Variants in AAGAB observed in about 807,000 individuals in gnomAD.
The protein encoded by AAGAB is alpha and gamma adaptin binding protein.
AAGAB carries 38 observed loss-of-function variants against 44.1 expected under a neutral mutation model. That is an observed-to-expected ratio of 0.86 (90% CI 0.67 to 1.13). The LOEUF is 1.13. Ranked by LOEUF, AAGAB falls within the 50% of genes most tolerant of loss-of-function variation. The pLI is 0.00. For synonymous variants in AAGAB, 131 were observed against 131.8 expected (o/e 0.99, Z 0.04); for missense variants, 450 against 373.8 (o/e 1.20, Z -1.68).
At chr15:67,204,642 A>C (rs1180086366) in intron 7 of AAGAB, among the ~76,000 whole-genome samples, 2 of 152,198 alleles carry the variant, frequency 1.3e-5, no homozygotes, top group African/African-American at 4.8e-5. Context: ...TGAAAAAAAA[A>C]CCTGTATCTA....
intron 5 of AAGAB, among the ~76,000 whole-genome samples, chr15:67,224,301 C>A (rs2140363661): frequency 6.6e-6 from 1 of 152,258 alleles, no homozygotes; most frequent in South Asian, 2.1e-4. Context: ...GATCTGAGGC[C>A]AGCAGAAGAA....
chr15:67,237,909 T>C (rs1964508057), intron 1 of AAGAB, among the ~76,000 whole-genome samples: 1 of 152,188 alleles, frequency 6.6e-6, no homozygotes, highest in African/African-American at 2.4e-5. Flanking sequence ...AGAGCTAACA[T>C]TATATATTTG....
intron 5 of AAGAB, among the ~76,000 whole-genome samples, chr15:67,229,166 G>C (rs1162679887): frequency 1.3e-5 from 2 of 152,186 alleles, no homozygotes; most frequent in Non-Finnish European, 2.9e-5. Context: ...AGGCGGGGTG[G>C]CTCACGCCTG....
chr15:67,202,121 T>TA lies in AAGAB; in HGVS notation c.*699dup, dbSNP rs1330319262. 1 of 152,400 alleles carries TA rather than the reference T, an allele frequency of 6.6e-6. No homozygotes were observed. Among genetic ancestry groups the TA allele is most frequent in the Non-Finnish European group, 1.5e-5 (1 of 68,088 alleles). 9.4% of individuals were successfully genotyped at this position (152,400 alleles called of 1,614,324 possible). Reference sequence around the variant, plus strand: ...GGACTCCTTAAGGTTCTCTCTAACATACAACATATCCCCCACAACTCAGTA... The same window carrying TA: ...GGACTCCTTAAGGTTCTCTCTAACATAACAACATATCCCCCACAACTCAGTA... On this transcript the variant is annotated 3_prime_UTR_variant, in exon 10 of 10. Coordinates refer to ENST00000261880, the MANE Select transcript of AAGAB (RefSeq NM_024666.5).
At chr15:67,205,362 T>G (rs1040427100) in intron 7 of AAGAB, among the ~76,000 whole-genome samples, 1 of 152,224 alleles carries the variant, frequency 6.6e-6, no homozygotes, top group African/African-American at 2.4e-5. Context: ...ATGTAGGAAG[T>G]TGGTATATAG....
At chr15:67,226,046 T>C (rs1291928356) in intron 5 of AAGAB, among the ~76,000 whole-genome samples, 1 of 152,234 alleles carries the variant, frequency 6.6e-6, no homozygotes, top group African/African-American at 2.4e-5. Context: ...ATTATCTTTC[T>C]GACCCTAGCC....
At position 67,201,600 on chromosome 15, in the gene AAGAB, T is replaced by G. The variant is rs1471288556; in HGVS notation, c.*1221A>C. 1 of 152,382 alleles carries G rather than the reference T, an allele frequency of 6.6e-6. No individual in the cohort carries two copies. Among genetic ancestry groups the G allele is most frequent in the East Asian group, 1.9e-4 (1 of 5,334 alleles). 9.4% of individuals were successfully genotyped at this position (152,382 alleles called of 1,614,324 possible). A position where few individuals can be genotyped will look rare whatever the true frequency, so the allele number is the denominator to read the frequency against. On this transcript the variant is annotated 3_prime_UTR_variant, in exon 10 of 10. Transcript: ENST00000261880. ...TGGTGTGCGGGCACCTTCCATCCAC[T>G]GTACTATGTGCCAGTTCAGAGCCAC...
At chr15:67,229,388 G>A (rs565485103) in intron 5 of AAGAB, among the ~76,000 whole-genome samples, 2 of 149,764 alleles carry the variant, frequency 1.3e-5, no homozygotes, top group South Asian at 2.1e-4. Context: ...AGCCAAGATC[G>A]TGCCACTGCA....
At chr15:67,227,240 C>T (rs189229531) in intron 5 of AAGAB, among the ~76,000 whole-genome samples, 52 of 152,000 alleles carry the variant, frequency 3.4e-4, no homozygotes, top group Middle Eastern at 3.4e-3. Flanking sequence ...CCCAAAGAAT[C>T]AATTGTGATT....
chr15:67,213,647 T>C (rs1963875568), intron 5 of AAGAB, among the ~76,000 whole-genome samples: 1 of 152,214 alleles, frequency 6.6e-6, no homozygotes, highest in Non-Finnish European at 1.5e-5. Context: ...AAGGCATGGA[T>C]ATGAATCCTA....
rs1251948781 is a variant in AAGAB, at chr15:67,200,694, G to A, written c.*2127C>T. 6.6e-6 allele frequency among the ~76,000 whole-genome samples: 1 copy of A among 152,196 alleles called. No homozygotes were observed. Among genetic ancestry groups the A allele is most frequent in the Non-Finnish European group, 1.5e-5 (1 of 68,032 alleles). On this transcript the variant is annotated 3_prime_UTR_variant, in exon 10 of 10. Transcript: ENST00000261880. ...ATTTTAAATTCCAGCTGGCAATTCT[G>A]TAACAACTTGTGGTAGCATGAACAT... is the stretch of plus-strand genomic sequence containing the variant.
intron 5 of AAGAB, among the ~76,000 whole-genome samples, chr15:67,221,918 C>T (rs1964073472): frequency 6.6e-6 from 1 of 152,076 alleles, no homozygotes; most frequent in East Asian, 1.9e-4. Context: ...CAGGGTCATA[C>T]CCAGACCTTA....
chr15:67,236,922 C>T (rs1280981614), intron 1 of AAGAB, 102 bp from the exon 2 acceptor site: 3 of 896,500 alleles, frequency 3.3e-6, no homozygotes, highest in Non-Finnish European at 3.3e-6. Flanking sequence ...TTTGCTGTTT[C>T]CTTTTATGTG....
chr15:67,250,674 C>T (rs1036656713), intron 1 of AAGAB, among the ~76,000 whole-genome samples: 2 of 152,098 alleles, frequency 1.3e-5, no homozygotes, highest in African/African-American at 4.8e-5. Flanking sequence ...TAGATATTTG[C>T]TCTCATATCG....
At chr15:67,230,831 G>C (rs1464279178) in intron 5 of AAGAB, among the ~76,000 whole-genome samples, 1 of 152,006 alleles carries the variant, frequency 6.6e-6, no homozygotes, top group Non-Finnish European at 1.5e-5. Context: ...CAAAAGCTCT[G>C]GTCTCCCTTA....
At chr15:67,222,244 A>ACGCG (rs1567021003) in intron 5 of AAGAB, among the ~76,000 whole-genome samples, 6 of 25,790 alleles carry the variant, frequency 2.3e-4, no homozygotes, top group Non-Finnish European at 4.2e-4. Flanking sequence ...GCGCGCGCGC[A>ACGCG]CACACACACA....
At chr15:67,219,434 T>C (rs972799647) in intron 5 of AAGAB, among the ~76,000 whole-genome samples, 1 of 152,036 alleles carries the variant, frequency 6.6e-6, no homozygotes, top group Non-Finnish European at 1.5e-5. Flanking sequence ...AACGGTGGAT[T>C]AGACAAAGAA....
Position 67,201,030 on chromosome 15 carries a change from TATAA to T in AAGAB, c.*1787_*1790del, listed in dbSNP as rs2140338588. On this transcript the variant is annotated 3_prime_UTR_variant, in exon 10 of 10. Coordinates refer to ENST00000261880, the MANE Select transcript of AAGAB (RefSeq NM_024666.5). ...CATAATAATAGACATTAGCACAGTT[TATAA>T]ATAAATCACATTTTAATCATCTGGC... 6.6e-6 allele frequency: 1 copy of T among 152,504 alleles called. No homozygotes were observed. Among genetic ancestry groups the T allele is most frequent in the African/African-American group, 2.4e-5 (1 of 41,588 alleles). 9.4% of individuals were successfully genotyped at this position (152,504 alleles called of 1,614,324 possible).
intron 5 of AAGAB, among the ~76,000 whole-genome samples, chr15:67,215,717 A>T (rs1197298503): frequency 6.6e-6 from 1 of 152,258 alleles, no homozygotes; most frequent in African/African-American, 2.4e-5. Context: ...TGAATAAAAA[A>T]TTCTTTTAAG....
Sources: gnomAD v4.1 joint callset for allele counts (sites outside exome capture counted in the v4.1 genomes callset) on GRCh38, gnomAD v4.1.1 for gene constraint, MANE v1.5 for transcripts, NCBI Gene and HGNC (gene_info 2026-07-23, HGNC 2026-07-21) for gene names.